Variants in TMEM201 observed in about 807,000 individuals in gnomAD.
TMEM201 encodes the protein transmembrane protein 201, also known as RP13-15M17.2.
In TMEM201, 26 loss-of-function variants were observed where a neutral mutation model predicts 63.4. That is an observed-to-expected ratio of 0.41 (90% confidence interval 0.30 to 0.57). The LOEUF (loss-of-function observed/expected upper bound fraction) is 0.57, where lower values mean the gene tolerates loss of function less well. Ranked by LOEUF, TMEM201 falls within the 20% of genes least tolerant of loss-of-function variation. TMEM201 has a pLI of 0.29. For missense variants in TMEM201, 794 were observed against 917.7 expected (o/e 0.87, Z 1.74); for synonymous variants, 417 against 421.6 (o/e 0.99, Z 0.14).
In TMEM201 at chr1:9,602,056, G is replaced by A; in HGVS notation, c.957-13G>A. The A allele has an allele frequency of 1.2e-6, 2 of 1,607,628 alleles. No individual in the cohort carries two copies. Among genetic ancestry groups the A allele is most frequent in the Non-Finnish European group, 1.7e-6 (2 of 1,176,812 alleles). ...TGTCCTCCCCTGGGGTGACCCCGCT[G>A]CTTCCCTTTCAGGCTCCGGAGGATC... On this transcript the variant is annotated splice_polypyrimidine_tract_variant and intron_variant, in intron 5 of 10. Coordinates refer to ENST00000340381, the MANE Select transcript of TMEM201 (RefSeq NM_001130924.3).
At chr1:9,602,718 A>G (rs1409730685) in intron 6 of TMEM201, 4 of 1,034,802 alleles carry the variant, frequency 3.9e-6, no homozygotes, top group Non-Finnish European at 4.7e-6. Context: ...GGGTGGTGAC[A>G]GTGGCTACAG....
chr1:9,612,679 C>T (rs541625027), intron 10 of TMEM201, among the ~76,000 whole-genome samples: 2 of 152,192 alleles, frequency 1.3e-5, no homozygotes, highest in African/African-American at 4.8e-5. Context: ...ATGACCTCAT[C>T]TGTAAAGTGG....
intron 1 of TMEM201, among the ~76,000 whole-genome samples, chr1:9,589,808 A>T (rs1643890100): frequency 6.6e-6 from 1 of 152,184 alleles, no homozygotes; most frequent in African/African-American, 2.4e-5. Flanking sequence ...ACCTTTCCAG[A>T]GGGCAGGGGG....
At chr1:9,593,441 T>G (rs1461573073) in intron 1 of TMEM201, among the ~76,000 whole-genome samples, 1 of 152,134 alleles carries the variant, frequency 6.6e-6, no homozygotes, top group East Asian at 1.9e-4. Context: ...TGGCAGCTGC[T>G]CTGGCCACCA....
chr1:9,595,740 C>G, intron 1 of TMEM201, 150 bp from the exon 2 acceptor site: 1 of 1,149,752 alleles, frequency 8.7e-7, no homozygotes, highest in Non-Finnish European at 1.2e-6. Context: ...TCCTGCTGTT[C>G]TGGGGCCAGC....
intron 1 of TMEM201, among the ~76,000 whole-genome samples, chr1:9,594,035 C>T (rs760960428): frequency 6.6e-6 from 1 of 152,246 alleles, no homozygotes; most frequent in Non-Finnish European, 1.5e-5. Context: ...ATGTAGTCGG[C>T]GCCCGGTGGC....
At position 9,605,119 on chromosome 1, in the gene TMEM201, C is replaced by T. The variant is rs556397857; in HGVS notation, c.1161-2438C>T. Among the ~76,000 whole-genome samples, 6 of 152,314 alleles carry T rather than the reference C, an allele frequency of 3.9e-5. No homozygotes were observed. Among genetic ancestry groups the T allele is most frequent in the East Asian group, 3.9e-4 (2 of 5,186 alleles). On this transcript the variant is annotated intron_variant, in intron 6 of 10. Coordinates refer to ENST00000340381, the MANE Select transcript of TMEM201 (RefSeq NM_001130924.3). This position sits in a 1 kb window ranked among gnomAD's most constrained non-coding sequence, Gnocchi z 5.7. ...TGGCTCGGGGCCCGGCTCGCCTCCTCGCCTTTGCTGGATCATATTTTTTCC... is the reference window on the plus strand; with the variant it reads ...TGGCTCGGGGCCCGGCTCGCCTCCTTGCCTTTGCTGGATCATATTTTTTCC...
chr1:9,601,981 C>A, intron 5 of TMEM201, 88 bp from the exon 6 acceptor site: 1 of 1,460,630 alleles, frequency 6.8e-7, no homozygotes, highest in East Asian at 2.4e-5. Context: ...CTGAGCAGGG[C>A]CAGGTATAGA....
At chr1:9,612,253 CCGAAGG>C (rs1644334449) in intron 10 of TMEM201, among the ~76,000 whole-genome samples, 2 of 152,230 alleles carry the variant, frequency 1.3e-5, no homozygotes, top group African/African-American at 4.8e-5. Context: ...AGGACACATA[CCGAAGG>C]CTGCCATCCT....
intron 3 of TMEM201, among the ~76,000 whole-genome samples, chr1:9,597,834 C>T (rs563967749): frequency 7.9e-5 from 12 of 152,300 alleles, no homozygotes; most frequent in African/African-American, 2.9e-4. Flanking sequence ...CATGCTTGGT[C>T]GCAGCAAGGG....
chr1:9,611,219 A>G, intron 9 of TMEM201: 1 of 453,394 alleles, frequency 2.2e-6, no homozygotes, highest in Non-Finnish European at 3.6e-6. Flanking sequence ...TTTTTTCGAG[A>G]TGCAGTCTCA....
At chr1:9,594,340 G>A (rs1054083384) in intron 1 of TMEM201, among the ~76,000 whole-genome samples, 1 of 152,232 alleles carries the variant, frequency 6.6e-6, no homozygotes, top group Non-Finnish European at 1.5e-5. Flanking sequence ...GGGGCAGGGG[G>A]TGTGGGGTGA....
intron 6 of TMEM201, chr1:9,602,776 C>T: frequency 7.0e-6 from 7 of 995,116 alleles, no homozygotes; most frequent in Non-Finnish European, 8.4e-6. Flanking sequence ...GAGGCTGGGG[C>T]AGCAGAGAGC....
chr1:9,596,042 A>G, intron 2 of TMEM201, 32 bp downstream of exon 2: 1 of 1,605,452 alleles, frequency 6.2e-7, no homozygotes, highest in Non-Finnish European at 8.5e-7. Context: ...ACGGGTGGGC[A>G]CGCGGGGGTG....
chr1:9,589,252 G>C (rs1643880546), intron 1 of TMEM201, among the ~76,000 whole-genome samples: 1 of 151,368 alleles, frequency 6.6e-6, no homozygotes, highest in South Asian at 2.1e-4. Context: ...GGGGACTCCG[G>C]GAACGTGGGG....
chr1:9,595,822 G>T, intron 1 of TMEM201, 68 bp from the exon 2 acceptor site: 1 of 1,602,346 alleles, frequency 6.2e-7, no homozygotes, highest in Admixed American at 1.7e-5. Flanking sequence ...CTGGGGCAGG[G>T]CATGGAGGTC....
intron 1 of TMEM201, 81 bp from the exon 2 acceptor site, chr1:9,595,809 G>T: frequency 1.9e-6 from 3 of 1,589,768 alleles, no homozygotes; most frequent in Non-Finnish European, 2.6e-6. Flanking sequence ...TTCCCTGGTG[G>T]CCCTGGGGCA....
At chr1:9,596,049 G>C in intron 2 of TMEM201, 39 bp downstream of exon 2, 4 of 1,602,096 alleles carry the variant, frequency 2.5e-6, no homozygotes, top group Non-Finnish European at 3.4e-6. Flanking sequence ...GGCACGCGGG[G>C]GTGGGGATCT....
At position 9,607,739 on chromosome 1, in the gene TMEM201, G is replaced by A. The variant is rs1052004972; in HGVS notation, c.1343G>A (p.Arg448His). The A allele has an allele frequency of 2.3e-5, 35 of 1,551,532 alleles. No individual in the cohort carries two copies. The highest frequency in any genetic ancestry group is 3.9e-5 in the Admixed American group (2 of 50,978). Residue 448 changes from arginine to histidine, a missense_variant, in exon 7 of 11, where the codon CGC (arginine) becomes CAC (histidine). By Grantham distance (29) the Arg-to-His change is conservative. Coordinates refer to ENST00000340381, the MANE Select transcript of TMEM201 (RefSeq NM_001130924.3). The surrounding 1 kb of genome is among the most constrained non-coding windows in gnomAD (Gnocchi z 5.4). The part of the protein sequence containing the change: ...RRTSPSSLPG[R>H]LSRALSLGTI... Reference sequence around the variant, plus strand: ...ACCTCACCCTCCTCATTGCCTGGCCGCCTCAGCCGGGCCCTCTCTCTGGGA... The same window carrying A: ...ACCTCACCCTCCTCATTGCCTGGCCACCTCAGCCGGGCCCTCTCTCTGGGA...
Sources: gnomAD v4.1 joint callset for allele counts (sites outside exome capture counted in the v4.1 genomes callset) on GRCh38, gnomAD v4.1.1 for gene constraint, Gnocchi (gnomAD v3.1) non-coding constraint, MANE v1.5 for transcripts, NCBI Gene and HGNC (gene_info 2026-07-23, HGNC 2026-07-21) for gene names.